Variants in LRRC63 observed in about 807,000 individuals in gnomAD.
The protein encoded by LRRC63 is leucine-rich repeat-containing protein 63.
In LRRC63, 40 loss-of-function variants were observed where a neutral mutation model predicts 49.5. That is an observed-to-expected ratio of 0.81 (90% CI 0.63 to 1.05). The LOEUF (loss-of-function observed/expected upper bound fraction) is 1.05, where lower values mean the gene tolerates loss of function less well. LRRC63 is among the 50% of genes least tolerant of loss of function. LRRC63 has a pLI of 0.00. For missense variants in LRRC63, 636 were observed against 663.1 expected (o/e 0.96, Z 0.45); for synonymous variants, 191 against 221.1 (o/e 0.86, Z 1.21).
chr13:46,225,554 A>G (rs1479855125), intron 2 of LRRC63, among the ~76,000 whole-genome samples: 5 of 152,126 alleles, frequency 3.3e-5, no homozygotes, highest in African/African-American at 1.2e-4. Flanking sequence ...ATATGGTGAG[A>G]TGGTGGTAGT....
At chr13:46,233,772 G>A (rs557397588) in intron 4 of LRRC63, among the ~76,000 whole-genome samples, 96 of 152,250 alleles carry the variant, frequency 6.3e-4, no homozygotes, top group Non-Finnish European at 1.2e-3. Flanking sequence ...GTGATGCTAA[G>A]GAAAAAGTGA....
At chr13:46,263,810 T>C (rs2047646736) in intron 8 of LRRC63, among the ~76,000 whole-genome samples, 2 of 152,216 alleles carry the variant, frequency 1.3e-5, no homozygotes, top group African/African-American at 4.8e-5. Flanking sequence ...TTTAGTTCAT[T>C]CTCCTTTTAT....
intron 7 of LRRC63, among the ~76,000 whole-genome samples, chr13:46,258,536 A>G (rs75105294): frequency 0.39 from 58,086 of 149,416 alleles, 11,542 homozygotes; most frequent in East Asian, 0.56. Context: ...TTGGCTGGGC[A>G]TGGTGGCTCA....
intron 7 of LRRC63, among the ~76,000 whole-genome samples, chr13:46,254,687 A>G (rs1166073009): frequency 6.6e-6 from 1 of 152,192 alleles, no homozygotes; most frequent in East Asian, 1.9e-4. Context: ...GTGATGATTT[A>G]GTGTTGATAT....
At chr13:46,267,689 A>T (rs1323573911) in intron 9 of LRRC63, among the ~76,000 whole-genome samples, 1 of 152,250 alleles carries the variant, frequency 6.6e-6, no homozygotes, top group Non-Finnish European at 1.5e-5. Flanking sequence ...TCTACCAACG[A>T]AAAAGGAACC....
intron 7 of LRRC63, among the ~76,000 whole-genome samples, chr13:46,252,031 T>A (rs1165042359): frequency 1.3e-5 from 2 of 151,964 alleles, no homozygotes; most frequent in Non-Finnish European, 2.9e-5. Flanking sequence ...TAACATAGGA[T>A]ATGTATGCAT....
chr13:46,221,658 T>A (rs1451996135), intron 2 of LRRC63, among the ~76,000 whole-genome samples: 1 of 152,212 alleles, frequency 6.6e-6, no homozygotes, highest in Non-Finnish European at 1.5e-5. Context: ...CTGTGATATT[T>A]TGCTGTCTCT....
intron 9 of LRRC63, among the ~76,000 whole-genome samples, chr13:46,268,453 G>A (rs946244313): frequency 2.6e-5 from 4 of 152,038 alleles, no homozygotes; most frequent in Middle Eastern, 3.2e-3. Context: ...AGACATCATC[G>A]GGAGCTCTAT....
At chr13:46,230,027 A>G (rs1469082491) in intron 4 of LRRC63, among the ~76,000 whole-genome samples, 1 of 152,082 alleles carries the variant, frequency 6.6e-6, no homozygotes, top group Non-Finnish European at 1.5e-5. Context: ...ACTCACTATC[A>G]TGAGGGCAGC....
chr13:46,219,095 C>T (rs534299776), intron 2 of LRRC63, among the ~76,000 whole-genome samples: 4 of 152,220 alleles, frequency 2.6e-5, no homozygotes, highest in African/African-American at 7.2e-5. Flanking sequence ...TTGCTCTTCT[C>T]GAGGAGTATC....
rs553399665 is a variant in LRRC63, at chr13:46,245,369, T to C, written c.991-1158T>C. Among the ~76,000 whole-genome samples, 10 of 152,246 alleles carry C rather than the reference T, an allele frequency of 6.6e-5. No homozygotes were observed. In the East Asian group the frequency reaches 1.9e-3, roughly 29 times the overall value. On this transcript the variant is annotated intron_variant, in intron 5 of 9. Transcript: ENST00000595396. ...GCGACTAACTTGACCTAATTAACATTTATAGAATGATACATCCAACAACTG... is the reference window on the plus strand; with the variant it reads ...GCGACTAACTTGACCTAATTAACATCTATAGAATGATACATCCAACAACTG...
At chr13:46,249,089 T>C (rs568820095) in intron 6 of LRRC63, among the ~76,000 whole-genome samples, 8 of 151,846 alleles carry the variant, frequency 5.3e-5, no homozygotes, top group African/African-American at 1.9e-4. Flanking sequence ...TATTTTTAGA[T>C]AAATGAAAAT....
chr13:46,232,735 A>G (rs1384335606), intron 4 of LRRC63, among the ~76,000 whole-genome samples: 1 of 152,080 alleles, frequency 6.6e-6, no homozygotes, highest in Non-Finnish European at 1.5e-5. Flanking sequence ...AAATTACAAC[A>G]CATTCTAAAA....
chr13:46,226,686 C>T (rs1452733708), intron 2 of LRRC63, among the ~76,000 whole-genome samples: 2 of 152,204 alleles, frequency 1.3e-5, no homozygotes, highest in Non-Finnish European at 2.9e-5. Flanking sequence ...ACTCCAATAG[C>T]TCTGTTCAGA....
chr13:46,225,005 G>A (rs903145979), intron 2 of LRRC63, among the ~76,000 whole-genome samples: 4 of 152,208 alleles, frequency 2.6e-5, no homozygotes, highest in African/African-American at 4.8e-5. Flanking sequence ...GCAGTTACTG[G>A]TGGGCCGGTT....
chr13:46,259,900 A>T (rs2047586356), intron 7 of LRRC63, among the ~76,000 whole-genome samples: 1 of 152,174 alleles, frequency 6.6e-6, no homozygotes, highest in African/African-American at 2.4e-5. Flanking sequence ...CTTGCAAGCT[A>T]ACAGTAGGGC....
chr13:46,256,274 C>G (rs1238704276), intron 7 of LRRC63, among the ~76,000 whole-genome samples: 1 of 152,138 alleles, frequency 6.6e-6, no homozygotes, highest in Non-Finnish European at 1.5e-5. Context: ...AAAAGGCTGT[C>G]AGATCTCCAA....
chr13:46,239,019 C>T (rs1333378657), intron 5 of LRRC63, among the ~76,000 whole-genome samples: 1 of 152,114 alleles, frequency 6.6e-6, no homozygotes, highest in Non-Finnish European at 1.5e-5. Context: ...CACTGAATGT[C>T]CACATCAAAA....
intron 7 of LRRC63, among the ~76,000 whole-genome samples, chr13:46,251,496 A>G (rs2047381091): frequency 6.6e-6 from 1 of 151,808 alleles, no homozygotes; most frequent in Admixed American, 6.6e-5. Flanking sequence ...CTGCCCTGAC[A>G]CTATCTGCCA....
Sources: gnomAD v4.1 joint callset for allele counts (sites outside exome capture counted in the v4.1 genomes callset) on GRCh38, gnomAD v4.1.1 for gene constraint, MANE v1.5 for transcripts, NCBI Gene and HGNC (gene_info 2026-07-23, HGNC 2026-07-21) for gene names.